The following TBC1D32 variants were observed in gnomAD, a reference collection of about 807,000 sequenced individuals.
TBC1D32 encodes TBC1 domain family member 32, also known as protein broad-minded.
Under a neutral mutation model 170.3 loss-of-function variants are expected in TBC1D32, and 151 were observed. That is an observed-to-expected ratio of 0.89 (90% CI 0.78 to 1.01). The LOEUF (loss-of-function observed/expected upper bound fraction) is 1.01. Ranked by LOEUF, TBC1D32 falls within the 50% of genes least tolerant of loss-of-function variation. The pLI, the probability that TBC1D32 is intolerant of heterozygous loss-of-function variation, is 0.00. For missense variants in TBC1D32, 1,464 were observed against 1,457.1 expected (o/e 1.00, Z -0.08); for synonymous variants, 498 against 488.0 (o/e 1.02, Z -0.27).
At chr6:121,200,982 T>A (rs1038131454) in intron 22 of TBC1D32, among the ~76,000 whole-genome samples, 2 of 151,566 alleles carry the variant, frequency 1.3e-5, no homozygotes, top group Non-Finnish European at 2.9e-5. Context: ...CACACAATGG[T>A]GTCCAGAATT....
rs527330710 is a variant in TBC1D32 at position 121,244,216 on chromosome 6, A to G, written c.2019-1877T>C. On this transcript the variant is annotated intron_variant, in intron 17 of 31. Transcript: ENST00000398212. ...TATAATAAATAAATATACAAGTAAAAAAGTATTGTTATTTTTTAGAAAATG... is the reference window on the plus strand; with the variant it reads ...TATAATAAATAAATATACAAGTAAAGAAGTATTGTTATTTTTTAGAAAATG... Among the ~76,000 whole-genome samples the G allele has an allele frequency of 2.6e-5, 4 of 152,172 alleles. 1 individual carries two copies. In the South Asian group the frequency reaches 8.3e-4, roughly 31 times the overall value.
At chr6:121,197,649 T>C (rs1790914366) in intron 22 of TBC1D32, among the ~76,000 whole-genome samples, 1 of 152,224 alleles carries the variant, frequency 6.6e-6, no homozygotes, top group Non-Finnish European at 1.5e-5. Context: ...CGTTTCTGAG[T>C]GTAAGAAGGA....
intron 10 of TBC1D32, among the ~76,000 whole-genome samples, chr6:121,298,701 CACA>C (rs1329442330): frequency 1.3e-5 from 2 of 152,142 alleles, no homozygotes; most frequent in East Asian, 3.9e-4. Flanking sequence ...TTCTCAAACA[CACA>C]ACAATTATTG....
intron 15 of TBC1D32, among the ~76,000 whole-genome samples, chr6:121,270,639 AG>A (rs1376060854): frequency 2.0e-5 from 3 of 152,320 alleles, no homozygotes; most frequent in Non-Finnish European, 4.4e-5. Context: ...AACCAAAAAA[AG>A]TCCAGGACCA....
chr6:121,139,514 G>C (rs1469581318), intron 24 of TBC1D32, among the ~76,000 whole-genome samples: 1 of 152,032 alleles, frequency 6.6e-6, no homozygotes, highest in East Asian at 1.9e-4. Context: ...GAAAGTATCA[G>C]CAAGAATCAA....
chr6:121,304,481 T>C (rs1421082924), intron 7 of TBC1D32, 41 bp downstream of exon 7: 2 of 1,601,724 alleles, frequency 1.2e-6, no homozygotes, highest in Non-Finnish European at 1.7e-6. Flanking sequence ...AATATAAAAC[T>C]AAATAAATAA....
Position 121,241,470 on chromosome 6 carries a change from T to G in TBC1D32, c.2240A>C (p.Lys747Thr), listed in dbSNP as rs1160452236. 6.2e-7 allele frequency: 1 copy of G among 1,611,820 alleles called. No homozygotes were observed. Among genetic ancestry groups the G allele is most frequent in the South Asian group, 1.1e-5 (1 of 90,668 alleles). ...AATGAAAAGAAAACATTTACCTGAC[T>G]TTTTTAGTGCAATGCCACCTGCTGC... ...STAAGGIALKKSGFINELITE... is the reference protein window; with the variant it reads ...STAAGGIALKTSGFINELITE... Residue 747 changes from lysine to threonine, a missense_variant, in exon 19 of 32, where the codon AAG (lysine) becomes ACG (threonine). Coordinates refer to ENST00000398212, the MANE Select transcript of TBC1D32 (RefSeq NM_152730.6).
chr6:121,270,340 A>G (rs1396245931), intron 15 of TBC1D32, among the ~76,000 whole-genome samples: 1 of 152,170 alleles, frequency 6.6e-6, no homozygotes, highest in African/African-American at 2.4e-5. Flanking sequence ...GGTTTTTTGA[A>G]AAGATCAACA....
At chr6:121,251,691 CA>C (rs1272258055) in intron 17 of TBC1D32, among the ~76,000 whole-genome samples, 2 of 152,074 alleles carry the variant, frequency 1.3e-5, no homozygotes, top group Non-Finnish European at 2.9e-5. Context: ...CAGCAAAAGC[CA>C]AAATTGACAA....
At chr6:121,088,919 G>A (rs1303381620) in intron 31 of TBC1D32, among the ~76,000 whole-genome samples, 3 of 152,128 alleles carry the variant, frequency 2.0e-5, no homozygotes, top group Non-Finnish European at 2.9e-5. Context: ...ACACAATGGA[G>A]AATGGTTTGG....
intron 19 of TBC1D32, among the ~76,000 whole-genome samples, chr6:121,240,226 T>C (rs1796777082): frequency 6.6e-6 from 1 of 152,100 alleles, no homozygotes; most frequent in Non-Finnish European, 1.5e-5. Context: ...AGAAGCTTAA[T>C]GATTTTACCA....
At chr6:121,096,356 T>C (rs1777406378) in intron 30 of TBC1D32, 1 of 152,048 alleles carries the variant, frequency 6.6e-6, no homozygotes, top group Non-Finnish European at 1.5e-5. Context: ...AGTCTCAGGA[T>C]ACAAAATCAA....
chr6:121,183,635 T>A (rs1432753934), intron 22 of TBC1D32, among the ~76,000 whole-genome samples: 1 of 152,104 alleles, frequency 6.6e-6, no homozygotes, highest in Non-Finnish European at 1.5e-5. Context: ...CACAGAAACC[T>A]ATCATCATTA....
At chr6:121,141,511 A>T (rs1361737240) in intron 24 of TBC1D32, among the ~76,000 whole-genome samples, 1 of 152,228 alleles carries the variant, frequency 6.6e-6, no homozygotes, top group East Asian at 1.9e-4. Context: ...AGTCACTCTC[A>T]AAGGAAGATA....
intron 24 of TBC1D32, among the ~76,000 whole-genome samples, chr6:121,137,796 A>G (rs143540486): frequency 2.0e-5 from 3 of 151,942 alleles, no homozygotes; most frequent in Non-Finnish European, 4.4e-5. Context: ...GGGAAACAGT[A>G]AGGTCGACAT....
chr6:121,279,907 T>C (rs1802750517), intron 14 of TBC1D32, among the ~76,000 whole-genome samples: 1 of 151,964 alleles, frequency 6.6e-6, no homozygotes. Context: ...TAATTCCTGC[T>C]CTTTGTGGGG....
chr6:121,316,791 G>A (rs768108477), intron 3 of TBC1D32, among the ~76,000 whole-genome samples: 13 of 152,058 alleles, frequency 8.5e-5, no homozygotes, highest in African/African-American at 1.2e-4. Context: ...TTACAGTTAT[G>A]CCCCTGTGGT....
rs545688737 is a variant in TBC1D32, at chr6:121,087,213, T to C, written c.3654+3640A>G. ...TATCAACTTATACCCAAGGCGTTCATCTAATCTTTCAGTGGTCTAATCTGA... is the reference window on the plus strand; with the variant it reads ...TATCAACTTATACCCAAGGCGTTCACCTAATCTTTCAGTGGTCTAATCTGA... On this transcript the variant is annotated intron_variant, in intron 31 of 31. Transcript: ENST00000398212. 2.0e-5 allele frequency among the ~76,000 whole-genome samples: 3 copies of C among 152,332 alleles called. No individual in the cohort carries two copies. In the East Asian group the frequency reaches 5.8e-4, roughly 29 times the overall value.
intron 9 of TBC1D32, among the ~76,000 whole-genome samples, chr6:121,301,887 C>T (rs1397205610): frequency 6.6e-6 from 1 of 151,898 alleles, no homozygotes; most frequent in African/African-American, 2.4e-5. Flanking sequence ...ACCTTGGCCT[C>T]CCAAAGTGCT....
Sources: gnomAD v4.1 joint callset for allele counts (sites outside exome capture counted in the v4.1 genomes callset) on GRCh38, gnomAD v4.1.1 for gene constraint, MANE v1.5 for transcripts, NCBI Gene and HGNC (gene_info 2026-07-23, HGNC 2026-07-21) for gene names.